Variants in ANKRD31 observed in about 807,000 individuals in gnomAD.
The protein encoded by ANKRD31 is ankyrin repeat domain 31.
A neutral mutation model predicts 186.0 loss-of-function variants in ANKRD31; 147 were observed. The observed-to-expected ratio is 0.79, with a 90% CI of 0.69 to 0.91. The LOEUF (loss-of-function observed/expected upper bound fraction) is 0.91, where lower values mean the gene tolerates loss of function less well. Ranked by LOEUF, ANKRD31 falls within the 40% of genes least tolerant of loss-of-function variation. ANKRD31 has a pLI of 0.00. For synonymous variants in ANKRD31, 673 were observed against 736.4 expected (o/e 0.91, Z 1.39); for missense variants, 1,986 against 2,148.8 (o/e 0.92, Z 1.50).
intron 17 of ANKRD31, among the ~76,000 whole-genome samples, chr5:75,123,359 TA>T (rs1561445510): frequency 6.6e-6 from 1 of 152,154 alleles, no homozygotes; most frequent in East Asian, 1.9e-4. Flanking sequence ...AAAATGAGAA[TA>T]CTTCCAAAAC....
chr5:75,155,893 C>T (rs1752132827), intron 11 of ANKRD31, among the ~76,000 whole-genome samples: 1 of 147,638 alleles, frequency 6.8e-6, no homozygotes, highest in African/African-American at 2.6e-5. Context: ...ATGATTATCA[C>T]AAATTTACAT....
chr5:75,184,363 C>A (rs1322982180), intron 10 of ANKRD31, among the ~76,000 whole-genome samples: 3 of 151,998 alleles, frequency 2.0e-5, no homozygotes, highest in Non-Finnish European at 4.4e-5. Flanking sequence ...ACCTTAAAAG[C>A]ACAGGCAACA....
intron 17 of ANKRD31, among the ~76,000 whole-genome samples, chr5:75,133,901 G>T (rs13234102): frequency 6.6e-6 from 1 of 152,086 alleles, no homozygotes; most frequent in South Asian, 2.1e-4. Flanking sequence ...TGAACAACCT[G>T]CTCCTGAATG....
chr5:75,087,538 C>G (rs897593430), intron 23 of ANKRD31, among the ~76,000 whole-genome samples: 4 of 151,922 alleles, frequency 2.6e-5, no homozygotes, highest in Admixed American at 1.3e-4. Flanking sequence ...GAAAAGAAAT[C>G]TGTTCATGGA....
rs115902001 is a variant in ANKRD31 at position 75,146,325 on chromosome 5, T to C, written c.3086A>G (p.Glu1029Gly). 1,097 of 1,536,536 alleles carry C rather than the reference T, an allele frequency of 7.1e-4. 7 individuals are homozygous for C. In the African/African-American group the frequency reaches 0.013, roughly 19 times the overall value. ...ATAATCCTGTGGCTTTTTGAATAGC[T>C]CCACATGATTAGTCAACTTTGAAGC... ...HEASKLTNHV[E>G]LFKKPQDYIP... The change falls in exon 14 of 26, where the codon GAG (glutamate) becomes GGG (glycine). Residue 1029 changes from glutamate to glycine, a missense_variant. Coordinates refer to ENST00000506364, the MANE Select transcript of ANKRD31 (RefSeq NM_001372053.1).
At chr5:75,102,125 T>G (rs191042350) in intron 22 of ANKRD31, among the ~76,000 whole-genome samples, 2 of 152,342 alleles carry the variant, frequency 1.3e-5, no homozygotes, top group Admixed American at 6.5e-5. Context: ...GGATGTCCTT[T>G]CTGTTTGTTA....
chr5:75,151,799 T>C (rs988037867), intron 12 of ANKRD31, among the ~76,000 whole-genome samples: 1 of 152,094 alleles, frequency 6.6e-6, no homozygotes. Flanking sequence ...TCTGTCCTGT[T>C]ATCCTCCTGG....
At chr5:75,119,853 G>C (rs1463813955) in intron 17 of ANKRD31, among the ~76,000 whole-genome samples, 1 of 152,112 alleles carries the variant, frequency 6.6e-6, no homozygotes, top group Non-Finnish European at 1.5e-5. Flanking sequence ...TAGTGGTACT[G>C]AACATTTTTT....
intron 21 of ANKRD31, among the ~76,000 whole-genome samples, chr5:75,106,718 C>A (rs950843551): frequency 6.6e-6 from 1 of 151,848 alleles, no homozygotes; most frequent in African/African-American, 2.4e-5. Context: ...CCTAAAATTA[C>A]CCATATGTAG....
At chr5:75,162,496 A>T (rs948299924) in intron 11 of ANKRD31, among the ~76,000 whole-genome samples, 2 of 152,206 alleles carry the variant, frequency 1.3e-5, no homozygotes, top group African/African-American at 4.8e-5. Context: ...CTTGTCTCAG[A>T]TGAGACTTCG....
At chr5:75,194,758 A>C (rs1021851829) in intron 7 of ANKRD31, among the ~76,000 whole-genome samples, 16 of 152,110 alleles carry the variant, frequency 1.1e-4, no homozygotes, top group Non-Finnish European at 2.1e-4. Flanking sequence ...AATTTAAAAA[A>C]TAAGTTGGAA....
At chr5:75,192,639 A>G (rs1392336658) in intron 9 of ANKRD31, 28 bp downstream of exon 9, 3 of 1,431,850 alleles carry the variant, frequency 2.1e-6, no homozygotes, top group African/African-American at 1.4e-5. Context: ...TGTAAAAGAA[A>G]TAGAAAAATA....
chr5:75,129,763 GGTTCAT>G (rs1749587403), intron 17 of ANKRD31, among the ~76,000 whole-genome samples: 1 of 152,188 alleles, frequency 6.6e-6, no homozygotes, highest in South Asian at 2.1e-4. Context: ...GGAGGTACCA[GGTTCAT>G]CTCACTGGGG....
intron 24 of ANKRD31, among the ~76,000 whole-genome samples, chr5:75,082,563 C>T (rs1460432832): frequency 6.6e-6 from 1 of 152,192 alleles, no homozygotes; most frequent in African/African-American, 2.4e-5. Context: ...GTGAAGACTA[C>T]ATTCTCTTTA....
In ANKRD31 at chr5:75,224,178, TAC is replaced by T. The variant is rs1554095671; in HGVS notation, c.179-1822_179-1821del. ...ATATATATGTATATATATATATATA[TAC>T]ACACATTTCTTCCATTAGAATTCCA... On this transcript the variant is annotated intron_variant, in intron 2 of 25. Coordinates refer to ENST00000506364, the MANE Select transcript of ANKRD31 (RefSeq NM_001372053.1). 6.1e-3 allele frequency among the ~76,000 whole-genome samples: 752 copies of T among 124,262 alleles called. 34 individuals carry two copies. The highest frequency in any genetic ancestry group is 0.022 in the African/African-American group (649 of 30,152). The allele number at this position is 124,262 out of a possible 152,430, so 81.5% of individuals were successfully genotyped here. A position where few individuals can be genotyped will look rare whatever the true frequency, so the allele number is the denominator to read the frequency against.
At chr5:75,134,802 CA>C (rs899526973) in intron 17 of ANKRD31, among the ~76,000 whole-genome samples, 1 of 152,132 alleles carries the variant, frequency 6.6e-6, no homozygotes, top group Non-Finnish European at 1.5e-5. Flanking sequence ...AGTAGCACAT[CA>C]AAAAGCTTAT....
intron 7 of ANKRD31, 65 bp from the exon 8 acceptor site, chr5:75,193,656 G>A: frequency 7.0e-7 from 1 of 1,418,542 alleles, no homozygotes. Flanking sequence ...ACTATAAGAA[G>A]TTAAATTTTG....
At chr5:75,101,842 G>A (rs1746914328) in intron 22 of ANKRD31, among the ~76,000 whole-genome samples, 1 of 152,128 alleles carries the variant, frequency 6.6e-6, no homozygotes, top group South Asian at 2.1e-4. Context: ...CTTCTTTCAA[G>A]GTTTATAGCT....
intron 17 of ANKRD31, among the ~76,000 whole-genome samples, chr5:75,123,405 C>G (rs1273885712): frequency 6.6e-6 from 1 of 151,860 alleles, no homozygotes; most frequent in East Asian, 1.9e-4. Context: ...TATCAAAATG[C>G]CAACATCGCT....
Sources: allele counts gnomAD v4.1 joint callset (sites outside exome capture counted in the v4.1 genomes callset), GRCh38; gene constraint gnomAD v4.1.1; transcripts MANE v1.5; gene names NCBI Gene and HGNC (gene_info 2026-07-23, HGNC 2026-07-21).